MARCHF1: variants seen among roughly 807,000 people sequenced by gnomAD.
MARCHF1 encodes the protein membrane associated ring-CH-type finger 1, also known as E3 ubiquitin-protein ligase MARCHF1.
Under a neutral mutation model 54.2 loss-of-function variants are expected in MARCHF1, and 40 were observed. The observed-to-expected ratio is 0.74, with a 90% CI of 0.57 to 0.96. MARCHF1 has a LOEUF of 0.96. Ranked by LOEUF, MARCHF1 falls within the 40% of genes least tolerant of loss-of-function variation. The pLI, the probability that MARCHF1 is intolerant of heterozygous loss-of-function variation, is 0.00. For synonymous variants in MARCHF1, 236 were observed against 236.3 expected, an observed-to-expected ratio of 1.00 and a Z score of 0.01; for missense variants, 586 against 656.5, an observed-to-expected ratio of 0.89 and a Z score of 1.17.
chr4:164,281,227 C>T (rs975931883), intron 1 of MARCHF1, among the ~76,000 whole-genome samples: 3 of 152,098 alleles, frequency 2.0e-5, no homozygotes, highest in African/African-American at 2.4e-5. Flanking sequence ...GTGTCATGAA[C>T]GTTTTAATTT....
At chr4:163,642,387 T>C (rs1471174271) in intron 5 of MARCHF1, among the ~76,000 whole-genome samples, 2 of 152,216 alleles carry the variant, frequency 1.3e-5, no homozygotes. Flanking sequence ...ATATTTTCTG[T>C]AGAGTAGCAG....
chr4:163,909,161 T>C (rs879720479), intron 3 of MARCHF1, among the ~76,000 whole-genome samples: 2 of 152,186 alleles, frequency 1.3e-5, no homozygotes, highest in Non-Finnish European at 2.9e-5. Context: ...AAACAGCCCA[T>C]CCTGGATTAA....
chr4:163,978,175 T>C (rs1579435869), intron 3 of MARCHF1, among the ~76,000 whole-genome samples: 1 of 152,310 alleles, frequency 6.6e-6, no homozygotes, highest in Middle Eastern at 3.4e-3. Context: ...TCTGTTTAAG[T>C]AGAGGTCAGG....
intron 1 of MARCHF1, among the ~76,000 whole-genome samples, chr4:164,311,606 G>C (rs1012419129): frequency 4.6e-5 from 7 of 152,124 alleles, no homozygotes; most frequent in African/African-American, 1.7e-4. Flanking sequence ...AAAAAAATAT[G>C]GTTCTAAATA....
chr4:163,991,385 T>A (rs1752964388), intron 2 of MARCHF1, among the ~76,000 whole-genome samples: 1 of 152,182 alleles, frequency 6.6e-6, no homozygotes, highest in African/African-American at 2.4e-5. Flanking sequence ...TGAATACACA[T>A]CAGCTAATAT....
chr4:163,858,137 G>A (rs931539277), intron 3 of MARCHF1, among the ~76,000 whole-genome samples: 1 of 151,552 alleles, frequency 6.6e-6, no homozygotes, highest in African/African-American at 2.4e-5. Flanking sequence ...TGCAATCCAT[G>A]TAAATGGCAC....
chr4:164,210,388 G>A (rs746274327), intron 1 of MARCHF1, among the ~76,000 whole-genome samples: 2 of 152,202 alleles, frequency 1.3e-5, no homozygotes, highest in Non-Finnish European at 2.9e-5. Context: ...TGAGCAACTC[G>A]AATGAAAATT....
At chr4:163,886,684 C>T (rs1337651971) in intron 3 of MARCHF1, among the ~76,000 whole-genome samples, 1 of 152,038 alleles carries the variant, frequency 6.6e-6, no homozygotes, top group Non-Finnish European at 1.5e-5. Flanking sequence ...AGAATTCTCA[C>T]TTCCAAACTA....
At chr4:163,792,958 A>G (rs1159733021) in intron 4 of MARCHF1, among the ~76,000 whole-genome samples, 3 of 152,262 alleles carry the variant, frequency 2.0e-5, no homozygotes, top group Middle Eastern at 3.4e-3. Context: ...AAGTGCTGAA[A>G]TTTCTCTGTC....
Position 163,567,216 on chromosome 4 carries a change from G to A in MARCHF1, c.1191+18533C>T, listed in dbSNP as rs142267587. 2.5e-3 allele frequency among the ~76,000 whole-genome samples: 383 copies of A among 152,132 alleles called. 3 individuals are homozygous for A. Among genetic ancestry groups the A allele is most frequent in the African/African-American group, 8.8e-3 (364 of 41,494 alleles). ...AAATAATAGGGCAGTAAGAAATGAA[G>A]TGTGGCAGAGTAATTCTATATTAAA... On this transcript the variant is annotated intron_variant, in intron 8 of 9. Transcript: ENST00000514618.
intron 3 of MARCHF1, among the ~76,000 whole-genome samples, chr4:163,923,359 G>C (rs1387709666): frequency 6.6e-6 from 1 of 152,030 alleles, no homozygotes; most frequent in Non-Finnish European, 1.5e-5. Flanking sequence ...TTCCCTGTAA[G>C]TATTTCTTCA....
chr4:163,948,470 G>A (rs1347589957), intron 3 of MARCHF1, among the ~76,000 whole-genome samples: 3 of 152,198 alleles, frequency 2.0e-5, no homozygotes, highest in African/African-American at 7.2e-5. Context: ...TGAGGAAATA[G>A]CAGAAGCAGG....
intron 2 of MARCHF1, among the ~76,000 whole-genome samples, chr4:164,097,316 C>G (rs1424775076): frequency 2.0e-5 from 3 of 152,146 alleles, no homozygotes; most frequent in African/African-American, 7.2e-5. Flanking sequence ...GATGACGTCA[C>G]TAATCTCTAA....
intron 3 of MARCHF1, among the ~76,000 whole-genome samples, chr4:163,978,388 T>C (rs1752690537): frequency 6.6e-6 from 1 of 152,190 alleles, no homozygotes; most frequent in Non-Finnish European, 1.5e-5. Context: ...GGGAATTGAC[T>C]CCTTTAGCAC....
chr4:163,560,878 A>G (rs1739446165), intron 8 of MARCHF1, among the ~76,000 whole-genome samples: 1 of 152,170 alleles, frequency 6.6e-6, no homozygotes, highest in African/African-American at 2.4e-5. Flanking sequence ...ACATCCTGCA[A>G]TCTTGCTAAA....
chr4:163,807,914 C>G (rs1410903663), intron 4 of MARCHF1, among the ~76,000 whole-genome samples: 3 of 151,944 alleles, frequency 2.0e-5, no homozygotes, highest in Non-Finnish European at 4.4e-5. Flanking sequence ...AAAGGTTTAA[C>G]ACTTTGCTAA....
At chr4:163,850,331 T>A (rs775611561) in intron 4 of MARCHF1, among the ~76,000 whole-genome samples, 1 of 152,240 alleles carries the variant, frequency 6.6e-6, no homozygotes, top group Non-Finnish European at 1.5e-5. Flanking sequence ...GGCACAGTTT[T>A]GAGGGGCTTG....
intron 1 of MARCHF1, among the ~76,000 whole-genome samples, chr4:164,121,494 C>T (rs192647763): frequency 3.4e-4 from 52 of 152,144 alleles, no homozygotes; most frequent in Admixed American, 3.3e-3. Flanking sequence ...GGAAAAAGCC[C>T]TTACAAAACC....
intron 1 of MARCHF1, among the ~76,000 whole-genome samples, chr4:164,201,633 A>C (rs111787163): frequency 0.013 from 2,004 of 152,300 alleles, 52 homozygotes; most frequent in East Asian, 0.11. Context: ...ATACAGACTG[A>C]AGATGACTTG....
Sources: allele counts gnomAD v4.1 joint callset (sites outside exome capture counted in the v4.1 genomes callset), GRCh38; gene constraint gnomAD v4.1.1; transcripts MANE v1.5; gene names NCBI Gene and HGNC (gene_info 2026-07-23, HGNC 2026-07-21).